The following BIVM variants were observed in gnomAD, a reference collection of about 807,000 sequenced individuals.
The protein encoded by BIVM is basic immunoglobulin-like variable motif-containing protein.
A neutral mutation model predicts 61.4 loss-of-function variants in BIVM; 31 were observed. The observed-to-expected ratio is 0.51, with a 90% confidence interval of 0.38 to 0.68. The LOEUF is 0.68. Ranked by LOEUF, BIVM falls within the 30% of genes least tolerant of loss-of-function variation. The probability of loss-of-function intolerance (pLI) is 0.00; values close to 1 mark genes in which losing one functional copy is unlikely to be tolerated. For missense variants in BIVM, 526 were observed against 596.0 expected (o/e 0.88, Z 1.22); for synonymous variants, 189 against 210.7 (o/e 0.90, Z 0.89).
chr13:102,823,171 C>G (rs1335220348), intron 7 of BIVM, among the ~76,000 whole-genome samples: 1 of 152,114 alleles, frequency 6.6e-6, no homozygotes, highest in Non-Finnish European at 1.5e-5. Context: ...AAGGTCCAGG[C>G]CTGTTTGAGA....
intron 1 of BIVM, among the ~76,000 whole-genome samples, chr13:102,801,245 A>ATTT (rs34160315): frequency 1.4e-5 from 2 of 142,380 alleles, no homozygotes; most frequent in Non-Finnish European, 3.0e-5. Flanking sequence ...TTAGTAGTAA[A>ATTT]TTTTTTTTTT....
chr13:102,811,173 A>G (rs1227475511), intron 3 of BIVM, among the ~76,000 whole-genome samples: 1 of 152,156 alleles, frequency 6.6e-6, no homozygotes, highest in Non-Finnish European at 1.5e-5. Context: ...ACTGAGGTAA[A>G]TTTATTTCTT....
intron 7 of BIVM, among the ~76,000 whole-genome samples, chr13:102,825,187 C>T (rs534981849): frequency 2.4e-4 from 37 of 152,216 alleles, no homozygotes; most frequent in Admixed American, 2.0e-3. Context: ...CCTTGTGATC[C>T]GCCCGCCTCG....
At chr13:102,813,446 T>C (rs1233262348) in intron 3 of BIVM, among the ~76,000 whole-genome samples, 2 of 152,186 alleles carry the variant, frequency 1.3e-5, no homozygotes, top group Non-Finnish European at 2.9e-5. Context: ...TTTTATAGCT[T>C]CTATTTCTCA....
chr13:102,811,382 G>A (rs1362678113), intron 3 of BIVM, among the ~76,000 whole-genome samples: 1 of 152,022 alleles, frequency 6.6e-6, no homozygotes, highest in Non-Finnish European at 1.5e-5. Context: ...TTTTATTTCA[G>A]CACTTTGAAT....
chr13:102,834,652 C>A, intron 9 of BIVM, 100 bp downstream of exon 9: 2 of 1,143,348 alleles, frequency 1.7e-6, no homozygotes, highest in Non-Finnish European at 2.4e-6. Context: ...TAAATGAATG[C>A]ACCTGTATAA....
intron 3 of BIVM, among the ~76,000 whole-genome samples, chr13:102,809,396 C>G (rs1000390431): frequency 1.3e-5 from 2 of 152,130 alleles, no homozygotes; most frequent in African/African-American, 4.8e-5. Context: ...TTTACTGAGA[C>G]TTGTTTTATG....
intron 9 of BIVM, 124 bp from the exon 10 acceptor site, chr13:102,838,514 TTGAGA>T (rs894933259): frequency 7.1e-6 from 5 of 701,644 alleles, no homozygotes; most frequent in Non-Finnish European, 8.9e-6. Context: ...TGAAACAATG[TTGAGA>T]TAAGAGAATT....
chr13:102,836,657 A>AT lies in BIVM; in HGVS notation c.1122-1980dup, dbSNP rs369683360. Among the ~76,000 whole-genome samples, 148 of 152,016 alleles carry AT rather than the reference A, an allele frequency of 9.7e-4. 1 individual carries two copies. The highest frequency in any genetic ancestry group is 3.4e-3 in the Middle Eastern group (1 of 294). On this transcript the variant is annotated intron_variant, in intron 9 of 10. Transcript: ENST00000257336. ...TGGTATGTGGTAGAGCTCAACTTTGATTTTTTCCCCCAGTGTTTATCTAGT... is the reference window on the plus strand; with the variant it reads ...TGGTATGTGGTAGAGCTCAACTTTGATTTTTTTCCCCCAGTGTTTATCTAGT...
intron 4 of BIVM, 58 bp downstream of exon 4, chr13:102,816,612 T>C: frequency 1.4e-6 from 2 of 1,397,302 alleles, no homozygotes; most frequent in East Asian, 2.7e-5. Flanking sequence ...ATGTTGGCAA[T>C]AACGTAGCAG....
At chr13:102,829,654 C>T (rs1880918944) in intron 7 of BIVM, among the ~76,000 whole-genome samples, 2 of 151,926 alleles carry the variant, frequency 1.3e-5, no homozygotes, top group Admixed American at 6.6e-5. Context: ...GCCTGGCCAA[C>T]ATAGTGAAAC....
chr13:102,833,923 A>G (rs78003412), intron 8 of BIVM, among the ~76,000 whole-genome samples: 6,489 of 152,306 alleles, frequency 0.043, 149 homozygotes, highest in Middle Eastern at 0.068. Context: ...AATATAAATC[A>G]TGGTTTTAAA....
intron 3 of BIVM, among the ~76,000 whole-genome samples, chr13:102,814,382 G>A (rs1006430499): frequency 3.9e-5 from 6 of 152,050 alleles, no homozygotes; most frequent in African/African-American, 1.2e-4. Flanking sequence ...CATTTGGGCC[G>A]TATATGCTAA....
chr13:102,807,384 T>G lies in BIVM; in HGVS notation c.117T>G (p.Ser39Arg), dbSNP rs1879176049. 7 of 1,614,192 alleles carry G rather than the reference T, an allele frequency of 4.3e-6. No homozygotes were observed. In the South Asian group the frequency reaches 6.6e-5, roughly 15 times the overall value. Residue 39 changes from serine to arginine, a missense_variant, in exon 3 of 11, where the codon AGT becomes AGG. Coordinates refer to ENST00000257336, the MANE Select transcript of BIVM (RefSeq NM_017693.4). The surrounding 1 kb of genome is among the most constrained non-coding windows in gnomAD (Gnocchi z 4.0). Reference sequence around the variant, plus strand: ...GTGCTGTAAAATCTTTCTGCACAAGTGCCTCAGGAGCACCCTTGGGTCCCA... The same window carrying G: ...GTGCTGTAAAATCTTTCTGCACAAGGGCCTCAGGAGCACCCTTGGGTCCCA... The part of the protein sequence containing the change: ...LQGAVKSFCT[S>R]ASGAPLGPKG...
At chr13:102,826,407 A>G (rs573513458) in intron 7 of BIVM, among the ~76,000 whole-genome samples, 1 of 152,298 alleles carries the variant, frequency 6.6e-6, no homozygotes, top group South Asian at 2.1e-4. Flanking sequence ...TTGAATCTGA[A>G]GTTTTCAACT....
intron 8 of BIVM, among the ~76,000 whole-genome samples, chr13:102,834,009 A>C (rs904257768): frequency 1.3e-5 from 2 of 152,268 alleles, no homozygotes; most frequent in Admixed American, 1.3e-4. Context: ...TTCTTAAAAA[A>C]CTATATAAAT....
chr13:102,807,630 C>T lies in BIVM; in HGVS notation c.363C>T (p.Tyr121=). 1 of 1,614,124 alleles carries T rather than the reference C, an allele frequency of 6.2e-7. No homozygotes were observed. Among genetic ancestry groups the T allele is most frequent in the Non-Finnish European group, 8.5e-7 (1 of 1,180,026 alleles). ...GIPTSTSEII[Y]NEENSLENLS... ...CGACTAGTACATCGGAAATTATCTA[C>T]AATGAAGAAAATAGCTTGGAAAACT... is the stretch of plus-strand genomic sequence containing the variant. Residue 121 remains tyrosine (Y), a synonymous_variant, in exon 3 of 11, where the codon TAC becomes TAT. Transcript: ENST00000257336. This position sits in a 1 kb window ranked among gnomAD's most constrained non-coding sequence, Gnocchi z 4.0.
intron 7 of BIVM, among the ~76,000 whole-genome samples, chr13:102,824,936 T>A (rs1041918767): frequency 9.9e-6 from 1 of 100,636 alleles, no homozygotes; most frequent in Non-Finnish European, 1.9e-5. Flanking sequence ...ATTTTTAATT[T>A]AATTAATTAA....
intron 3 of BIVM, among the ~76,000 whole-genome samples, chr13:102,813,585 A>C (rs2099633662): frequency 6.6e-6 from 1 of 152,166 alleles, no homozygotes; most frequent in African/African-American, 2.4e-5. Flanking sequence ...AGTAGGCCTT[A>C]TCTTTTTTCT....
Sources: gnomAD v4.1 joint callset for allele counts (sites outside exome capture counted in the v4.1 genomes callset) on GRCh38, gnomAD v4.1.1 for gene constraint, Gnocchi (gnomAD v3.1) non-coding constraint, MANE v1.5 for transcripts, NCBI Gene and HGNC (gene_info 2026-07-23, HGNC 2026-07-21) for gene names.